The following AGBL4 variants were observed in gnomAD, a reference collection of about 807,000 sequenced individuals.
The protein encoded by AGBL4 is AGBL carboxypeptidase 4, also known as cytosolic carboxypeptidase 6.
A neutral mutation model predicts 66.4 loss-of-function variants in AGBL4; 58 were observed. That is an observed-to-expected ratio of 0.87 (90% CI 0.71 to 1.09). The LOEUF is 1.09. Among genes scored for constraint, AGBL4 ranks in the 50% least tolerant of loss-of-function variants. The pLI is 0.00. For synonymous variants in AGBL4, 234 were observed against 222.9 expected (o/e 1.05, Z -0.44); for missense variants, 579 against 631.0 (o/e 0.92, Z 0.88).
chr1:49,758,885 A>G (rs1402683558), intron 2 of AGBL4, among the ~76,000 whole-genome samples: 1 of 152,106 alleles, frequency 6.6e-6, no homozygotes, highest in Non-Finnish European at 1.5e-5. Flanking sequence ...CAGAGGCACA[A>G]TGATATGGTT....
At chr1:49,088,602 C>T (rs1203421460) in intron 4 of AGBL4, among the ~76,000 whole-genome samples, 4 of 152,116 alleles carry the variant, frequency 2.6e-5, no homozygotes, top group African/African-American at 4.8e-5. Flanking sequence ...ATTCATAAAG[C>T]AAGTTCTTAG....
intron 4 of AGBL4, among the ~76,000 whole-genome samples, chr1:49,123,860 A>G (rs1032603974): frequency 3.5e-4 from 53 of 152,218 alleles, no homozygotes; most frequent in African/African-American, 1.2e-3. Context: ...ACTCAACCCA[A>G]TAAGTACAGA....
At chr1:49,954,004 C>T (rs1656378310) in intron 1 of AGBL4, among the ~76,000 whole-genome samples, 1 of 151,936 alleles carries the variant, frequency 6.6e-6, no homozygotes, top group African/African-American at 2.4e-5. Context: ...AACAATCCTC[C>T]TGTCTCAGGC....
chr1:49,630,386 G>T (rs976062500), intron 3 of AGBL4, among the ~76,000 whole-genome samples: 3 of 152,038 alleles, frequency 2.0e-5, no homozygotes, highest in African/African-American at 7.2e-5. Context: ...TAAGTCTTCT[G>T]GTGTCACTTA....
chr1:48,938,991 C>T (rs1047334481), intron 5 of AGBL4, among the ~76,000 whole-genome samples: 1 of 152,176 alleles, frequency 6.6e-6, no homozygotes, highest in Non-Finnish European at 1.5e-5. Flanking sequence ...ATCATCACCC[C>T]CTTTTTACAG....
intron 9 of AGBL4, among the ~76,000 whole-genome samples, chr1:48,626,255 C>G (rs1645501044): frequency 6.6e-6 from 1 of 152,182 alleles, no homozygotes; most frequent in Non-Finnish European, 1.5e-5. Context: ...ACATTCCTCT[C>G]CACCCAACTC....
chr1:48,715,718 T>C (rs2148524526), intron 6 of AGBL4, among the ~76,000 whole-genome samples: 1 of 152,220 alleles, frequency 6.6e-6, no homozygotes, highest in South Asian at 2.1e-4. Context: ...TTTCCTTTAT[T>C]GCTGCTGTTA....
intron 5 of AGBL4, among the ~76,000 whole-genome samples, chr1:48,895,205 C>T (rs1464055323): frequency 1.3e-5 from 2 of 152,176 alleles, no homozygotes; most frequent in African/African-American, 4.8e-5. Flanking sequence ...ATCTTGATTT[C>T]ATTAAATATT....
At chr1:49,685,266 C>T (rs111611017) in intron 3 of AGBL4, among the ~76,000 whole-genome samples, 19 of 152,320 alleles carry the variant, frequency 1.2e-4, no homozygotes, top group Admixed American at 1.2e-3. Context: ...ATACATACCA[C>T]ATTTTCTTCA....
intron 3 of AGBL4, among the ~76,000 whole-genome samples, chr1:49,402,110 C>A (rs1163431866): frequency 2.0e-5 from 3 of 151,758 alleles, no homozygotes; most frequent in African/African-American, 7.3e-5. Flanking sequence ...TTTTGTTTTT[C>A]TTTTCAAAAA....
intron 5 of AGBL4, among the ~76,000 whole-genome samples, chr1:48,919,343 C>G (rs1193596572): frequency 1.3e-5 from 2 of 152,188 alleles, no homozygotes; most frequent in Non-Finnish European, 2.9e-5. Flanking sequence ...TCAGGTCTTA[C>G]ATTTACCTGC....
At chr1:48,816,169 T>C (rs757959326) in intron 6 of AGBL4, among the ~76,000 whole-genome samples, 3 of 151,914 alleles carry the variant, frequency 2.0e-5, no homozygotes, top group Admixed American at 6.6e-5. Flanking sequence ...CCAGCTCTGT[T>C]GATTATGGAT....
chr1:48,952,024 G>T (rs116544653), intron 5 of AGBL4, among the ~76,000 whole-genome samples: 1 of 152,150 alleles, frequency 6.6e-6, no homozygotes, highest in Non-Finnish European at 1.5e-5. Context: ...GCTAAGTTTT[G>T]TCTAATTTCA....
At chr1:49,982,031 T>C (rs1237405297) in intron 1 of AGBL4, among the ~76,000 whole-genome samples, 1 of 152,280 alleles carries the variant, frequency 6.6e-6, no homozygotes, top group Non-Finnish European at 1.5e-5. Context: ...AATATCACTG[T>C]TGCAGCTAAA....
intron 3 of AGBL4, among the ~76,000 whole-genome samples, chr1:49,565,582 T>C (rs1644175016): frequency 6.6e-6 from 1 of 152,216 alleles, no homozygotes; most frequent in Non-Finnish European, 1.5e-5. Context: ...TGGCTGGATA[T>C]GAAATTCTGG....
chr1:48,526,127 G>C, the AGBL4 span, among the ~76,000 whole-genome samples: 1,068 of 152,248 alleles, frequency 7.0e-3, 35 homozygotes, highest in South Asian at 0.074. Context: ...AAGACTCAGG[G>C]GAATCAGGCA....
intron 6 of AGBL4, among the ~76,000 whole-genome samples, chr1:48,688,198 G>A (rs1159216634): frequency 1.3e-5 from 2 of 152,280 alleles, no homozygotes; most frequent in East Asian, 3.9e-4. Flanking sequence ...TGCATTCACA[G>A]GGTCCCTCAG....
chr1:48,686,201 G>T (rs1395956367), intron 6 of AGBL4, among the ~76,000 whole-genome samples: 3 of 152,152 alleles, frequency 2.0e-5, no homozygotes, highest in African/African-American at 7.2e-5. Flanking sequence ...ACCGCCTCCA[G>T]GAAGACTTAC....
downstream of AGBL4, among the ~76,000 whole-genome samples, chr1:48,531,893 C>T (rs983050694): frequency 6.6e-6 from 1 of 152,170 alleles, no homozygotes; most frequent in Non-Finnish European, 1.5e-5. Context: ...AAGCAATTCT[C>T]CTGCCCCAGC....
Sources: gnomAD v4.1 joint callset for allele counts (sites outside exome capture counted in the v4.1 genomes callset) on GRCh38, gnomAD v4.1.1 for gene constraint, MANE v1.5 for transcripts, NCBI Gene and HGNC (gene_info 2026-07-23, HGNC 2026-07-21) for gene names.